NPC1L1: variants seen among roughly 807,000 people sequenced by gnomAD.
NPC1L1 encodes the protein NPC1-like intracellular cholesterol transporter 1.
In NPC1L1, 98 loss-of-function variants were observed where a neutral mutation model predicts 117.0. The observed-to-expected ratio is 0.84, with a 90% CI of 0.71 to 0.99. The LOEUF (loss-of-function observed/expected upper bound fraction) is 0.99. Ranked by LOEUF, NPC1L1 falls within the 50% of genes least tolerant of loss-of-function variation. The pLI is 0.00. For synonymous variants in NPC1L1, 729 were observed against 727.6 expected (o/e 1.00, Z -0.03); for missense variants, 1,540 against 1,710.0 (o/e 0.90, Z 1.75).
Position 44,520,766 on chromosome 7 carries a change from T to C in NPC1L1, c.3135A>G (p.Leu1045=). ...CCCTCCAGGCAAGGCCATGCTTACC[T>C]AAAACCTGGCCATCTGAAGTCAAGT... The part of the protein sequence containing the change: ...SVNLTSDGQV[L]ASRFMAYHKP... The change falls in exon 14 of 19, where the codon TTA becomes TTG. Residue 1045 remains leucine, a splice_region_variant and synonymous_variant. Coordinates refer to ENST00000381160, the MANE Select transcript of NPC1L1 (RefSeq NM_001101648.2). 6.2e-7 allele frequency: 1 copy of C among 1,613,890 alleles called. No individual in the cohort carries two copies. Among genetic ancestry groups the C allele is most frequent in the Non-Finnish European group, 8.5e-7 (1 of 1,179,842 alleles).
Position 44,513,608 on chromosome 7 carries a change from C to T in NPC1L1, c.3838G>A (p.Ala1280Thr), listed in dbSNP as rs1801104735. The T allele has an allele frequency of 6.2e-7, 1 of 1,613,692 alleles. No individual in the cohort carries two copies. ...NPALALEQKR[A>T]EEAVAAVMVA... ...ATGACTGCTGCCACCGCCTCCTCAG[C>T]CCGCTTCTGCTCCAGTGCCAGAGCC... Residue 1280 changes from alanine to threonine, a missense_variant, in exon 19 of 19, where the codon GCT becomes ACT. Around this residue, in one of 3 missense-constraint regions of NPC1L1, gnomAD observed 742 missense variants for 873.6 expected, o/e 0.85. Transcript: ENST00000381160.
chr7:44,522,023 C>A (rs370700360), intron 11 of NPC1L1, 29 bp downstream of exon 11: 1 of 1,611,706 alleles, frequency 6.2e-7, no homozygotes, highest in Non-Finnish European at 8.5e-7. Flanking sequence ...AGGGAGTAGG[C>A]TGGGGTTTGG....
chr7:44,521,985 G>T (rs1411800258), intron 11 of NPC1L1, 67 bp downstream of exon 11: 1 of 1,587,468 alleles, frequency 6.3e-7, no homozygotes, highest in East Asian at 2.2e-5. Context: ...AGGAAGAGGG[G>T]ACTGGAGAGG....
intron 14 of NPC1L1, 126 bp from the exon 15 acceptor site, chr7:44,517,483 A>G (rs1356489646): frequency 3.4e-6 from 4 of 1,177,796 alleles, no homozygotes; most frequent in Non-Finnish European, 4.9e-6. Context: ...CTCTGCCACC[A>G]CCATTTGAAA....
chr7:44,523,571 T>C (rs992903988), intron 10 of NPC1L1, among the ~76,000 whole-genome samples: 1 of 152,082 alleles, frequency 6.6e-6, no homozygotes, highest in African/African-American at 2.4e-5. Flanking sequence ...AAGGACACCA[T>C]CCACCAAATA....
intron 10 of NPC1L1, among the ~76,000 whole-genome samples, chr7:44,525,057 G>A (rs566707777): frequency 6.6e-6 from 1 of 152,106 alleles, no homozygotes; most frequent in South Asian, 2.1e-4. Context: ...AGAGCCTAAG[G>A]GACCTGTCAG....
chr7:44,538,891 C>T lies in NPC1L1; in HGVS notation c.1506G>A (p.Leu502=). Reference sequence around the variant, plus strand: ...CCATCAGTGTCTGGTTGGCTGTGAGCAGCAGGAGCGTGCGGTTGTTCTGGA... The same window carrying T: ...CCATCAGTGTCTGGTTGGCTGTGAGTAGCAGGAGCGTGCGGTTGTTCTGGA... ...QYFQNNRTLL[L]LTANQTLMGQ... Residue 502 remains leucine (L), a synonymous_variant, in exon 2 of 19, where the codon CTG becomes CTA. Transcript: ENST00000381160. This position sits in a 1 kb window ranked among gnomAD's most constrained non-coding sequence, Gnocchi z 5.9. 6.2e-7 allele frequency: 1 copy of T among 1,614,200 alleles called. No homozygotes were observed. The highest frequency in any genetic ancestry group is 1.1e-5 in the South Asian group (1 of 91,084).
In NPC1L1 at chr7:44,536,558, C is replaced by T; in HGVS notation, c.1682-130G>A. 2 of 1,035,528 alleles carry T rather than the reference C, an allele frequency of 1.9e-6. No individual in the cohort carries two copies. 64.1% of individuals were successfully genotyped at this position (1,035,528 alleles called of 1,614,324 possible). ...CACCCCTTGCTCCTTCTCCCCCACT[C>T]CTTCCTCATCTGATACATGGCCTTA... On this transcript the variant is annotated intron_variant, in intron 3 of 18. Transcript: ENST00000381160. This position sits in a 1 kb window ranked among gnomAD's most constrained non-coding sequence, Gnocchi z 4.7.
At chr7:44,517,437 C>T in intron 14 of NPC1L1, 80 bp from the exon 15 acceptor site, 1 of 1,529,264 alleles carries the variant, frequency 6.5e-7, no homozygotes, top group Non-Finnish European at 9.0e-7. Flanking sequence ...ACCGCAGACG[C>T]AGTGGCACAG....
chr7:44,519,666 T>C (rs908134694), intron 14 of NPC1L1, among the ~76,000 whole-genome samples: 1 of 152,156 alleles, frequency 6.6e-6, no homozygotes, highest in Admixed American at 6.5e-5. Flanking sequence ...TTAGGGCCCC[T>C]ACACCGAGCA....
intron 14 of NPC1L1, 33 bp downstream of exon 14, chr7:44,520,732 T>G (rs775311023): frequency 6.2e-6 from 10 of 1,605,754 alleles, no homozygotes; most frequent in South Asian, 5.5e-5. Context: ...GCAACCGATT[T>G]ATGTCCTCCC....
At position 44,516,925 on chromosome 7, in the gene NPC1L1, A is replaced by G; in HGVS notation, c.3297T>C (p.Asn1099=). ...AFEVFPYTIT[N]VFYEQYLTIL... ...TGGTCAGGTACTGCTCATAAAACACATTGGTGATCCTGCCAGAGCACAGAG... is the reference window on the plus strand; with the variant it reads ...TGGTCAGGTACTGCTCATAAAACACGTTGGTGATCCTGCCAGAGCACAGAG... Residue 1099 remains asparagine, a synonymous_variant, in exon 16 of 19, where the codon AAT becomes AAC. Coordinates refer to ENST00000381160, the MANE Select transcript of NPC1L1 (RefSeq NM_001101648.2). 6.2e-7 allele frequency: 1 copy of G among 1,613,070 alleles called. No homozygotes were observed. The highest frequency in any genetic ancestry group is 8.5e-7 in the Non-Finnish European group (1 of 1,179,684).
At chr7:44,515,595 T>C (rs1209820139) in intron 18 of NPC1L1, among the ~76,000 whole-genome samples, 2 of 152,132 alleles carry the variant, frequency 1.3e-5, no homozygotes, top group African/African-American at 2.4e-5. Flanking sequence ...GTTTGAGACA[T>C]ACATAGCTGA....
At position 44,534,975 on chromosome 7, in the gene NPC1L1, T is replaced by G. The variant is rs1411190935; in HGVS notation, c.1984-346A>C. Among the ~76,000 whole-genome samples, 1 of 152,170 alleles carries G rather than the reference T, an allele frequency of 6.6e-6. No individual in the cohort carries two copies. Among genetic ancestry groups the G allele is most frequent in the African/African-American group, 2.4e-5 (1 of 41,440 alleles). ...TAGGCCAGGTGTGCTGGCTCACACC[T>G]GTAATCTCAACATTTTGGGAGGCTG... On this transcript the variant is annotated intron_variant, in intron 5 of 18. Transcript: ENST00000381160. The surrounding 1 kb of genome is among the most constrained non-coding windows in gnomAD (Gnocchi z 5.2).
At chr7:44,519,157 G>C (rs186151521) in intron 14 of NPC1L1, among the ~76,000 whole-genome samples, 1 of 152,032 alleles carries the variant, frequency 6.6e-6, no homozygotes, top group Non-Finnish European at 1.5e-5. Flanking sequence ...GCCTCCCAAC[G>C]TACTGGGATT....
rs1395883542 is a variant in NPC1L1, at chr7:44,534,588, C to T, written c.2025G>A (p.Val675=). 1 of 1,614,142 alleles carries T rather than the reference C, an allele frequency of 6.2e-7. No individual in the cohort carries two copies. Among genetic ancestry groups the T allele is most frequent in the South Asian group, 1.1e-5 (1 of 91,084 alleles). ...TGGCAGCCATGACTGCTCCCAGGAC[C>T]ACGGCCACCCCGCCGAGGCCCAGCG... The part of the protein sequence containing the change: ...KATLGLGGVA[V]VLGAVMAAMG... The change falls in exon 6 of 19, where the codon GTG becomes GTA. Residue 675 remains valine, a synonymous_variant. Transcript: ENST00000381160. The surrounding 1 kb of genome is among the most constrained non-coding windows in gnomAD (Gnocchi z 5.2).
At position 44,540,031 on chromosome 7, in the gene NPC1L1, G is replaced by A. The variant is rs1562573101; in HGVS notation, c.366C>T (p.Asn122=). ...GGCTGCACGTGTTGTGGCAGTGCAGGTTCACAAAATTGTCAGAGCAGGCTG... is the reference window on the plus strand; with the variant it reads ...GGCTGCACGTGTTGTGGCAGTGCAGATTCACAAAATTGTCAGAGCAGGCTG... ...RCPACSDNFV[N]LHCHNTCSPN... is the part of the protein sequence containing the mutation. The change falls in exon 2 of 19, where the codon AAC becomes AAT. Residue 122 remains asparagine (N), a synonymous_variant. Transcript: ENST00000381160. 3 of 1,614,142 alleles carry A rather than the reference G, an allele frequency of 1.9e-6. No individual in the cohort carries two copies. In the African/African-American group the frequency reaches 4.0e-5, roughly 22 times the overall value.
chr7:44,533,867 G>T lies in NPC1L1; in HGVS notation c.2167-14C>A. 6.2e-7 allele frequency: 1 copy of T among 1,600,188 alleles called. No individual in the cohort carries two copies. Among genetic ancestry groups the T allele is most frequent in the South Asian group, 1.1e-5 (1 of 89,254 alleles). The stretch of plus-strand genomic sequence containing the variant: ...CCGGGGCAGCCTCTGTGTGGGAACA[G>T]CAGGGATAAGAGCCAGGGCCCTCCA... On this transcript the variant is annotated splice_polypyrimidine_tract_variant and intron_variant, in intron 6 of 18. Coordinates refer to ENST00000381160, the MANE Select transcript of NPC1L1 (RefSeq NM_001101648.2).
chr7:44,518,777 T>C, intron 14 of NPC1L1: 4 of 1,070,216 alleles, frequency 3.7e-6, no homozygotes, highest in Non-Finnish European at 2.3e-6. Flanking sequence ...GAAATGTTCT[T>C]GGATACATAC....
Sources: allele counts gnomAD v4.1 joint callset (sites outside exome capture counted in the v4.1 genomes callset), GRCh38; gene constraint gnomAD v4.1.1; regional missense constraint gnomAD v4.1.1; non-coding constraint Gnocchi (gnomAD v3.1); transcripts MANE v1.5; gene names NCBI Gene and HGNC (gene_info 2026-07-23, HGNC 2026-07-21).